Variants in CELSR3 observed in about 807,000 individuals in gnomAD.
CELSR3 encodes cadherin EGF LAG seven-pass G-type receptor 3, also known as EGF-like protein 1.
Under a neutral mutation model 270.0 loss-of-function variants are expected in CELSR3, and 73 were observed. The ratio of observed to expected loss-of-function variants is 0.27; its 90% CI spans 0.22 to 0.33. The LOEUF (loss-of-function observed/expected upper bound fraction) is 0.33. CELSR3 is among the 10% of genes least tolerant of loss of function. CELSR3 has a pLI of 1.00. For missense variants in CELSR3, 3,614 were observed against 4,533.8 expected (o/e 0.80, Z 5.83); for synonymous variants, 1,780 against 1,905.4 (o/e 0.93, Z 1.71).
chr3:48,647,822 G>A lies in CELSR3; in HGVS notation c.7129+19C>T, dbSNP rs778383733. The stretch of plus-strand genomic sequence containing the variant: ...CAGAGAGACAGGACTTGGCCCAGGG[G>A]TCCCCTAGGGGCTCTCACCTTCAGA... On this transcript the variant is annotated intron_variant, in intron 20 of 34. Coordinates refer to ENST00000164024, the MANE Select transcript of CELSR3 (RefSeq NM_001407.3). 2 of 1,604,776 alleles carry A rather than the reference G, an allele frequency of 1.2e-6. No individual in the cohort carries two copies. Among genetic ancestry groups the A allele is most frequent in the Non-Finnish European group, 1.7e-6 (2 of 1,178,534 alleles).
Position 48,646,284 on chromosome 3 carries a change from G to C in CELSR3, c.7296-27C>G. The C allele has an allele frequency of 6.3e-7, 1 of 1,596,042 alleles. No individual in the cohort carries two copies. The highest frequency in any genetic ancestry group is 8.6e-7 in the Non-Finnish European group (1 of 1,169,356). ...TGGGGAGACACCCATCTGGGCTTAC[G>C]CACTGCTGACCTCCCCATGCTCAGC... is the stretch of plus-strand genomic sequence containing the variant. On this transcript the variant is annotated intron_variant, in intron 21 of 34. Coordinates refer to ENST00000164024, the MANE Select transcript of CELSR3 (RefSeq NM_001407.3). The surrounding 1 kb of genome is among the most constrained non-coding windows in gnomAD (Gnocchi z 4.8).
rs1205540062 is a variant in CELSR3, at chr3:48,655,486, G to A, written c.4742-92C>T. On this transcript the variant is annotated intron_variant, in intron 4 of 34. Transcript: ENST00000164024. This position sits in a 1 kb window ranked among gnomAD's most constrained non-coding sequence, Gnocchi z 5.8. ...GCACAACCATTCCCAGGGCCACCCT[G>A]GATGCATCAGATCAGTCCCCCCACT... 2 of 1,281,910 alleles carry A rather than the reference G, an allele frequency of 1.6e-6. No individual in the cohort carries two copies. The highest frequency in any genetic ancestry group is 1.5e-5 in the African/African-American group (1 of 68,394). The allele number at this position is 1,281,910 out of a possible 1,614,324, so 79.4% of individuals were successfully genotyped here. A position where few individuals can be genotyped will look rare whatever the true frequency, so the allele number is the denominator to read the frequency against.
rs922615344 is a variant in CELSR3 at position 48,658,403 on chromosome 3, C to T, written c.3748+484G>A. Reference sequence around the variant, plus strand: ...CCAAAGGTCAGGGTCTCAGGCCCTACGAAGCCACTGTCCACCTGAAGCTTC... The same window carrying T: ...CCAAAGGTCAGGGTCTCAGGCCCTATGAAGCCACTGTCCACCTGAAGCTTC... On this transcript the variant is annotated intron_variant, in intron 1 of 34. Transcript: ENST00000164024. This position sits in a 1 kb window ranked among gnomAD's most constrained non-coding sequence, Gnocchi z 4.7. Among the ~76,000 whole-genome samples the T allele has an allele frequency of 7.9e-5, 12 of 152,212 alleles. No homozygotes were observed. Among genetic ancestry groups the T allele is most frequent in the East Asian group, 1.9e-4 (1 of 5,198 alleles).
Position 48,651,136 on chromosome 3 carries a change from T to C in CELSR3, c.6187-61A>G, listed in dbSNP as rs1382451948. ...GTCAGGGCTTGGGGAATGAGTGGAA[T>C]CAAGGATAAAGGGTCAAGAGAACAG... On this transcript the variant is annotated intron_variant, in intron 14 of 34. Coordinates refer to ENST00000164024, the MANE Select transcript of CELSR3 (RefSeq NM_001407.3). This position sits in a 1 kb window ranked among gnomAD's most constrained non-coding sequence, Gnocchi z 7.4. 6.6e-7 allele frequency: 1 copy of C among 1,508,180 alleles called. No homozygotes were observed. The highest frequency in any genetic ancestry group is 8.9e-7 in the Non-Finnish European group (1 of 1,119,636). The allele number at this position is 1,508,180 out of a possible 1,614,324, so 93.4% of individuals were successfully genotyped here.
chr3:48,655,694 A>G lies in CELSR3; in HGVS notation c.4741+42T>C. Reference sequence around the variant, plus strand: ...AGGGGACTTGGGCCCTGCGTCCTCCAGCACACACGCACCCTTTCGCCGTCA... The same window carrying G: ...AGGGGACTTGGGCCCTGCGTCCTCCGGCACACACGCACCCTTTCGCCGTCA... On this transcript the variant is annotated intron_variant, in intron 4 of 34. Coordinates refer to ENST00000164024, the MANE Select transcript of CELSR3 (RefSeq NM_001407.3). The surrounding 1 kb of genome is among the most constrained non-coding windows in gnomAD (Gnocchi z 5.8). 1 of 1,538,440 alleles carries G rather than the reference A, an allele frequency of 6.5e-7. No individual in the cohort carries two copies. Among genetic ancestry groups the G allele is most frequent in the Non-Finnish European group, 9.0e-7 (1 of 1,111,428 alleles).
chr3:48,648,363 C>G lies in CELSR3; in HGVS notation c.6876G>C (p.Ala2292=). The change falls in exon 19 of 35, where the codon GCG becomes GCC. Residue 2292 remains alanine (A), a synonymous_variant. Coordinates refer to ENST00000164024, the MANE Select transcript of CELSR3 (RefSeq NM_001407.3). The part of the protein sequence containing the change: ...QRAPGGSPGS[A]GLVRHLEEYA... The stretch of plus-strand genomic sequence containing the variant: ...ACTCCTCCAGGTGCCTCACCAGTCC[C>G]GCGCTGCCTGGGGAGCCCCCAGGGG... The G allele has an allele frequency of 1.2e-6, 2 of 1,612,300 alleles. No individual in the cohort carries two copies. Among genetic ancestry groups the G allele is most frequent in the Non-Finnish European group, 1.7e-6 (2 of 1,179,800 alleles).
Position 48,644,095 on chromosome 3 carries a change from T to G in CELSR3, c.8165+121A>C. The G allele has an allele frequency of 1.3e-6, 1 of 780,204 alleles. No individual in the cohort carries two copies. The highest frequency in any genetic ancestry group is 2.1e-6 in the Non-Finnish European group (1 of 469,592). The allele number at this position is 780,204 out of a possible 1,614,324, so 48.3% of individuals were successfully genotyped here. On this transcript the variant is annotated intron_variant, in intron 27 of 34. Coordinates refer to ENST00000164024, the MANE Select transcript of CELSR3 (RefSeq NM_001407.3). The surrounding 1 kb of genome is among the most constrained non-coding windows in gnomAD (Gnocchi z 4.8). The stretch of plus-strand genomic sequence containing the variant: ...ACCACAGGTCAGGGCAGGTGTGACT[T>G]CATTCCTTCATCTAGAACTTGGAGC...
rs1189616056 is a variant in CELSR3 at position 48,660,714 on chromosome 3, C to T, written c.1921G>A (p.Val641Met). The T allele has an allele frequency of 6.2e-7, 1 of 1,614,116 alleles. No individual in the cohort carries two copies. The highest frequency in any genetic ancestry group is 1.3e-5 in the African/African-American group (1 of 75,072). The change falls in exon 1 of 35, where the codon GTG becomes ATG. Residue 641 changes from valine (V) to methionine (M), a missense_variant. By Grantham distance (21) the Val-to-Met change is conservative (BLOSUM62 1). Coordinates refer to ENST00000164024, the MANE Select transcript of CELSR3 (RefSeq NM_001407.3). The surrounding 1 kb of genome is among the most constrained non-coding windows in gnomAD (Gnocchi z 5.5). ...GGAATGTGGTCATTGATGTCCACCA[C>T]CTGGATGCTGGCCAGGCCCGTGTTG... ...SNNTGLASIQ[V>M]VDINDHIPIF... is the part of the protein sequence containing the mutation.
At position 48,645,398 on chromosome 3, in the gene CELSR3, C is replaced by G; in HGVS notation, c.7797+45G>C. 6.2e-7 allele frequency: 1 copy of G among 1,608,788 alleles called. No individual in the cohort carries two copies. The highest frequency in any genetic ancestry group is 8.5e-7 in the Non-Finnish European group (1 of 1,176,394). Reference sequence around the variant, plus strand: ...AGTTTTGGCCCCAGGCCTCCTGGGCCAGTAGGGTCATCAGGACACAAGTTC... The same window carrying G: ...AGTTTTGGCCCCAGGCCTCCTGGGCGAGTAGGGTCATCAGGACACAAGTTC... On this transcript the variant is annotated intron_variant, in intron 24 of 34. Transcript: ENST00000164024. The surrounding 1 kb of genome is among the most constrained non-coding windows in gnomAD (Gnocchi z 5.4).
chr3:48,653,709 T>A lies in CELSR3; in HGVS notation c.5358A>T (p.Pro1786=). The A allele has an allele frequency of 6.2e-7, 1 of 1,614,186 alleles. No homozygotes were observed. Among genetic ancestry groups the A allele is most frequent in the Non-Finnish European group, 8.5e-7 (1 of 1,180,030 alleles). The change falls in exon 9 of 35, where the codon CCA becomes CCT. Residue 1786 remains proline (P), a synonymous_variant. Transcript: ENST00000164024. The surrounding 1 kb of genome is among the most constrained non-coding windows in gnomAD (Gnocchi z 6.5). The stretch of plus-strand genomic sequence containing the variant: ...TCCGAAATGCCAGCCCCAGGTACCA[T>A]GGCACAGACACAGCCATGTCACTTC... ...NFGSDMAVSV[P]WYLGLAFRTR...
At position 48,646,751 on chromosome 3, in the gene CELSR3, G is replaced by A. The variant is rs1161028608; in HGVS notation, c.7295+12C>T. 18 of 1,606,140 alleles carry A rather than the reference G, an allele frequency of 1.1e-5. No homozygotes were observed. The highest frequency in any genetic ancestry group is 1.4e-5 in the Non-Finnish European group (17 of 1,177,562). Reference sequence around the variant, plus strand: ...AGTTCGTAGGAAGCTCAGGGGTGAGGGGCCTGAGTACCTGGCACCTCGGCG... The same window carrying A: ...AGTTCGTAGGAAGCTCAGGGGTGAGAGGCCTGAGTACCTGGCACCTCGGCG... On this transcript the variant is annotated intron_variant, in intron 21 of 34. Coordinates refer to ENST00000164024, the MANE Select transcript of CELSR3 (RefSeq NM_001407.3). This position sits in a 1 kb window ranked among gnomAD's most constrained non-coding sequence, Gnocchi z 4.8.
Position 48,656,965 on chromosome 3 carries a change from C to T in CELSR3, c.4132G>A (p.Val1378Met). The T allele has an allele frequency of 6.2e-7, 1 of 1,612,890 alleles. No homozygotes were observed. Among genetic ancestry groups the T allele is most frequent in the Non-Finnish European group, 8.5e-7 (1 of 1,179,538 alleles). Residue 1378 changes from valine (V) to methionine (M), a missense_variant, in exon 2 of 35, where the codon GTG becomes ATG. Val to Met is a conservative substitution (Grantham distance 21). Transcript: ENST00000164024. ...TTCTCACAGGGCTCTCGCAGGCACA[C>T]GTTGTCGTCGAAGGGCAGTACGTCG... ...LLDVLPFDDN[V>M]CLREPCENYM...
Position 48,645,282 on chromosome 3 carries a change from C to G in CELSR3, c.7798-73G>C. On this transcript the variant is annotated intron_variant, in intron 24 of 34. Transcript: ENST00000164024. The surrounding 1 kb of genome is among the most constrained non-coding windows in gnomAD (Gnocchi z 5.4). ...TGACCCCTACCCCAGGCATCTGCTTCCCACCTCTCACCCCTAAACCACAAT... is the reference window on the plus strand; with the variant it reads ...TGACCCCTACCCCAGGCATCTGCTTGCCACCTCTCACCCCTAAACCACAAT... 6.5e-7 allele frequency: 1 copy of G among 1,535,184 alleles called. No homozygotes were observed. Among genetic ancestry groups the G allele is most frequent in the South Asian group, 1.2e-5 (1 of 81,652 alleles).
Position 48,644,962 on chromosome 3 carries a change from C to T in CELSR3, c.7972+73G>A. On this transcript the variant is annotated intron_variant, in intron 25 of 34. Coordinates refer to ENST00000164024, the MANE Select transcript of CELSR3 (RefSeq NM_001407.3). The surrounding 1 kb of genome is among the most constrained non-coding windows in gnomAD (Gnocchi z 4.8). ...TGGCTTGGGGTTTGAGGTTGGGGGTCATGAGCAGGAGTGGGGACAGGGTCA... is the reference window on the plus strand; with the variant it reads ...TGGCTTGGGGTTTGAGGTTGGGGGTTATGAGCAGGAGTGGGGACAGGGTCA... 1 of 1,542,544 alleles carries T rather than the reference C, an allele frequency of 6.5e-7. No individual in the cohort carries two copies. The highest frequency in any genetic ancestry group is 8.8e-7 in the Non-Finnish European group (1 of 1,133,038).
rs781494043 is a variant in CELSR3, at chr3:48,640,544, C to T, written c.9041G>A (p.Arg3014Gln). ...QRQRKGILKN[R>Q]LQYPLVPQTR... ...CTGTGGCACCAGTGGGTATTGCAACCGGTTCTTCAGGATGCCTGTGAGAGG... is the reference window on the plus strand; with the variant it reads ...CTGTGGCACCAGTGGGTATTGCAACTGGTTCTTCAGGATGCCTGTGAGAGG... The change falls in exon 34 of 35, where the codon CGG becomes CAG. Residue 3014 changes from arginine to glutamine, a missense_variant. This residue lies in a region of CELSR3 where 1,240 missense variants were observed against 1,351.7 expected (regional missense o/e 0.92). Coordinates refer to ENST00000164024, the MANE Select transcript of CELSR3 (RefSeq NM_001407.3). This position sits in a 1 kb window ranked among gnomAD's most constrained non-coding sequence, Gnocchi z 7.5. 34 of 1,571,808 alleles carry T rather than the reference C, an allele frequency of 2.2e-5. No individual in the cohort carries two copies. The highest frequency in any genetic ancestry group is 3.5e-5 in the Admixed American group (2 of 57,136).
chr3:48,637,909 G>C lies in CELSR3; in HGVS notation c.*296C>G. 8.6e-6 allele frequency: 3 copies of C among 348,288 alleles called. No homozygotes were observed. The highest frequency in any genetic ancestry group is 4.6e-5 in the East Asian group (1 of 21,906). 21.6% of individuals were successfully genotyped at this position (348,288 alleles called of 1,614,324 possible). The stretch of plus-strand genomic sequence containing the variant: ...TCCCTCTATCTCCCTCCCCCTCCCA[G>C]CCCAGCCTCAAACCCCCCAGGAGAC... On this transcript the variant is annotated 3_prime_UTR_variant, in exon 35 of 35. Transcript: ENST00000164024.
rs1268557901 is a variant in CELSR3 at position 48,641,315 on chromosome 3, G to A, written c.9025+9C>T. On this transcript the variant is annotated intron_variant, in intron 33 of 34. Coordinates refer to ENST00000164024, the MANE Select transcript of CELSR3 (RefSeq NM_001407.3). The surrounding 1 kb of genome is among the most constrained non-coding windows in gnomAD (Gnocchi z 4.8). ...GTCTGCGGTGTGGGCCAGGGCTCAGGGACTGTACCTTTCCTCTGGCGCTGG... is the reference window on the plus strand; with the variant it reads ...GTCTGCGGTGTGGGCCAGGGCTCAGAGACTGTACCTTTCCTCTGGCGCTGG... The A allele has an allele frequency of 6.3e-7, 1 of 1,586,242 alleles. No individual in the cohort carries two copies. Among genetic ancestry groups the A allele is most frequent in the Non-Finnish European group, 8.6e-7 (1 of 1,156,836 alleles).
rs1390815305 is a variant in CELSR3, at chr3:48,647,983, G to A, written c.6987C>T (p.Asp2329=). Residue 2329 remains aspartate, a synonymous_variant, in exon 20 of 35, where the codon GAC becomes GAT. Coordinates refer to ENST00000164024, the MANE Select transcript of CELSR3 (RefSeq NM_001407.3). ...GGGGAGAACTGGGGTGCTCCATGCG[G>A]TCAATGCTGAGCACTACCCAGGAGA... ...LVTPNIMLSI[D]RMEHPSSPRG... is the part of the protein sequence containing the mutation. The A allele has an allele frequency of 1.9e-5, 30 of 1,611,964 alleles. No homozygotes were observed. Among genetic ancestry groups the A allele is most frequent in the Non-Finnish European group, 2.5e-5 (29 of 1,179,670 alleles).
rs764887901 is a variant in CELSR3 at position 48,653,888 on chromosome 3, G to A, written c.5268C>T (p.Asp1756=). The A allele has an allele frequency of 1.2e-6, 2 of 1,613,750 alleles. No individual in the cohort carries two copies. The highest frequency in any genetic ancestry group is 2.2e-5 in the South Asian group (2 of 91,086). Residue 1756 remains aspartate, a synonymous_variant, in exon 8 of 35, where the codon GAC becomes GAT. Coordinates refer to ENST00000164024, the MANE Select transcript of CELSR3 (RefSeq NM_001407.3). This position sits in a 1 kb window ranked among gnomAD's most constrained non-coding sequence, Gnocchi z 6.5. The part of the protein sequence containing the change: ...CDCPVGFGGK[D]CQLTMAHPHH... ...ATGCTGCCCACTTACTAAGCTGACA[G>A]TCTTTGCCGCCGAAGCCCACAGGGC...
Sources: allele counts gnomAD v4.1 joint callset (sites outside exome capture counted in the v4.1 genomes callset), GRCh38; gene constraint gnomAD v4.1.1; regional missense constraint gnomAD v4.1.1; non-coding constraint Gnocchi (gnomAD v3.1); transcripts MANE v1.5; gene names NCBI Gene and HGNC (gene_info 2026-07-23, HGNC 2026-07-21).